LRRC4C: variants seen among roughly 807,000 people sequenced by gnomAD.
LRRC4C encodes the protein leucine rich repeat containing 4C, also known as leucine-rich repeat-containing protein 4C.
A neutral mutation model predicts 33.6 loss-of-function variants in LRRC4C; 5 were observed. The ratio of observed to expected loss-of-function variants is 0.15; its 90% CI spans 0.08 to 0.31. The LOEUF (loss-of-function observed/expected upper bound fraction) is 0.31. Among genes scored for constraint, LRRC4C ranks in the 10% least tolerant of loss-of-function variants. The probability of loss-of-function intolerance (pLI) is 1.00; values close to 1 mark genes in which losing one functional copy is unlikely to be tolerated. For synonymous variants in LRRC4C, 329 were observed against 302.0 expected (o/e 1.09, Z -0.93); for missense variants, 560 against 796.7 (o/e 0.70, Z 3.58).
intron 1 of LRRC4C, among the ~76,000 whole-genome samples, chr11:41,360,371 A>G (rs1175255288): frequency 6.6e-6 from 1 of 152,158 alleles, no homozygotes; most frequent in Non-Finnish European, 1.5e-5. Context: ...TAGCCCAAGA[A>G]TTTACAAGGG....
chr11:40,908,062 A>G (rs1956502106), intron 2 of LRRC4C, among the ~76,000 whole-genome samples: 1 of 152,178 alleles, frequency 6.6e-6, no homozygotes, highest in African/African-American at 2.4e-5. Context: ...CAGAAAAAGC[A>G]AGGATTTTTT....
intron 1 of LRRC4C, among the ~76,000 whole-genome samples, chr11:41,404,466 C>CTATG (rs1223164933): frequency 1.5e-5 from 2 of 135,262 alleles, no homozygotes; most frequent in Non-Finnish European, 3.2e-5. Context: ...AACCCCAGGG[C>CTATG]TATGTGTGTG....
chr11:40,646,699 C>T (rs369489132), intron 3 of LRRC4C, among the ~76,000 whole-genome samples: 1 of 152,326 alleles, frequency 6.6e-6, no homozygotes, highest in East Asian at 1.9e-4. Context: ...CTCCGCCCTC[C>T]GGGTTCACGC....
At chr11:40,198,253 A>C (rs1445840944) in intron 5 of LRRC4C, among the ~76,000 whole-genome samples, 1 of 152,230 alleles carries the variant, frequency 6.6e-6, no homozygotes, top group African/African-American at 2.4e-5. Context: ...ACACCCATGT[A>C]CTACAACTGT....
intron 1 of LRRC4C, among the ~76,000 whole-genome samples, chr11:41,431,649 G>GTGTGTA (rs1555170631): frequency 4.6e-5 from 7 of 151,318 alleles, no homozygotes; most frequent in Non-Finnish European, 8.9e-5. Flanking sequence ...GTGTGTGTGT[G>GTGTGTA]TGTACACGTA....
intron 3 of LRRC4C, among the ~76,000 whole-genome samples, chr11:40,423,339 C>CTTTTTTT (rs35819704): frequency 1.7e-3 from 157 of 90,936 alleles, no homozygotes; most frequent in Non-Finnish European, 2.2e-3. Context: ...TGTTCATGTT[C>CTTTTTTT]TTTTTTTTTT....
chr11:41,410,481 C>T (rs541894354), intron 1 of LRRC4C, among the ~76,000 whole-genome samples: 1 of 150,862 alleles, frequency 6.6e-6, no homozygotes, highest in Admixed American at 6.6e-5. Flanking sequence ...GCGCTATCTC[C>T]GCTCCCGGGT....
intron 1 of LRRC4C, among the ~76,000 whole-genome samples, chr11:41,269,446 G>C (rs1161748996): frequency 6.6e-6 from 1 of 152,020 alleles, no homozygotes; most frequent in Non-Finnish European, 1.5e-5. Context: ...GACAGAGAGA[G>C]AGAAGGGACC....
chr11:40,716,922 T>C (rs1190211691), intron 2 of LRRC4C, among the ~76,000 whole-genome samples: 1 of 152,038 alleles, frequency 6.6e-6, no homozygotes, highest in African/African-American at 2.4e-5. Flanking sequence ...AACAGTGAAG[T>C]AGGGAATCGG....
At chr11:41,257,912 G>A (rs1051272839) in intron 1 of LRRC4C, among the ~76,000 whole-genome samples, 38 of 152,064 alleles carry the variant, frequency 2.5e-4, no homozygotes, top group Admixed American at 2.4e-3. Flanking sequence ...CAATAAATAT[G>A]AGTTCTTTTT....
chr11:40,605,260 A>T (rs1960456294), intron 3 of LRRC4C, among the ~76,000 whole-genome samples: 2 of 152,130 alleles, frequency 1.3e-5, no homozygotes, highest in South Asian at 2.1e-4. Context: ...GCTTTGAGAA[A>T]GAGGTAAATA....
At chr11:41,414,713 G>T (rs1358541451) in intron 1 of LRRC4C, among the ~76,000 whole-genome samples, 1 of 151,940 alleles carries the variant, frequency 6.6e-6, no homozygotes, top group South Asian at 2.1e-4. Context: ...GGGAGTAAAG[G>T]TTCAATTCTT....
chr11:40,337,577 G>T (rs1348455411), intron 3 of LRRC4C, among the ~76,000 whole-genome samples: 1 of 152,066 alleles, frequency 6.6e-6, no homozygotes, highest in East Asian at 1.9e-4. Flanking sequence ...ATGATACATG[G>T]ACAAAAGTTT....
chr11:40,592,411 A>C (rs929346649), intron 3 of LRRC4C, among the ~76,000 whole-genome samples: 12 of 152,170 alleles, frequency 7.9e-5, no homozygotes, highest in Non-Finnish European at 1.8e-4. Flanking sequence ...ATGGGGCCTG[A>C]AAATTCACGT....
intron 1 of LRRC4C, among the ~76,000 whole-genome samples, chr11:41,023,817 G>A (rs1162421336): frequency 1.3e-5 from 2 of 151,714 alleles, no homozygotes; most frequent in Non-Finnish European, 3.0e-5. Context: ...GTAGGGACAA[G>A]GGATTGATGG....
At chr11:40,118,034 A>G (rs1056145539) in intron 6 of LRRC4C, among the ~76,000 whole-genome samples, 1 of 148,964 alleles carries the variant, frequency 6.7e-6, no homozygotes, top group Non-Finnish European at 1.5e-5. Flanking sequence ...TTCATTATAA[A>G]TACTAATTTC....
At chr11:40,280,549 A>G (rs1212179746) in intron 4 of LRRC4C, among the ~76,000 whole-genome samples, 2 of 152,134 alleles carry the variant, frequency 1.3e-5, no homozygotes, top group Non-Finnish European at 2.9e-5. Context: ...AGTAAGCTAA[A>G]GGAGAGGCAG....
chr11:41,239,905 C>G (rs1471494603), intron 1 of LRRC4C, among the ~76,000 whole-genome samples: 2 of 152,146 alleles, frequency 1.3e-5, no homozygotes, highest in African/African-American at 2.4e-5. Context: ...TTATTGGTGA[C>G]TGCTAAGTAC....
intron 1 of LRRC4C, among the ~76,000 whole-genome samples, chr11:41,271,683 G>T (rs547422747): frequency 1.3e-5 from 2 of 152,106 alleles, no homozygotes; most frequent in East Asian, 3.9e-4. Context: ...CATGTTCATT[G>T]TTCTTTCCCC....
Sources: gnomAD v4.1 joint callset for allele counts (sites outside exome capture counted in the v4.1 genomes callset) on GRCh38, gnomAD v4.1.1 for gene constraint, MANE v1.5 for transcripts, NCBI Gene and HGNC (gene_info 2026-07-23, HGNC 2026-07-21) for gene names.